Variants in RUSC2 observed in about 807,000 individuals in gnomAD.
The protein encoded by RUSC2 is RUN and SH3 domain containing 2.
In RUSC2, 34 loss-of-function variants were observed where a neutral mutation model predicts 122.2. The observed-to-expected ratio is 0.28, with a 90% CI of 0.21 to 0.37. The LOEUF (loss-of-function observed/expected upper bound fraction) is 0.37, where lower values mean the gene tolerates loss of function less well. Among genes scored for constraint, RUSC2 ranks in the 10% least tolerant of loss-of-function variants. The probability of loss-of-function intolerance (pLI) is 1.00; values close to 1 mark genes in which losing one functional copy is unlikely to be tolerated. For synonymous variants in RUSC2, 784 were observed against 790.0 expected (o/e 0.99, Z 0.13); for missense variants, 1,747 against 1,952.4 (o/e 0.89, Z 1.98).
chr9:35,548,850 T>C lies in RUSC2; in HGVS notation c.2014+315T>C, dbSNP rs985384419. 1 of 635,366 alleles carries C rather than the reference T, an allele frequency of 1.6e-6. No individual in the cohort carries two copies. Among genetic ancestry groups the C allele is most frequent in the African/African-American group, 2.0e-5 (1 of 50,262 alleles). 39.4% of individuals were successfully genotyped at this position (635,366 alleles called of 1,614,324 possible). A position where few individuals can be genotyped will look rare whatever the true frequency, so the allele number is the denominator to read the frequency against. On this transcript the variant is annotated intron_variant, in intron 2 of 11. Coordinates refer to ENST00000361226, the MANE Select transcript of RUSC2 (RefSeq NM_014806.5). This position sits in a 1 kb window ranked among gnomAD's most constrained non-coding sequence, Gnocchi z 4.5. ...TTTGAGACCAGCCTGGCCAACATAA[T>C]GAAACCCCAGCTCTACTAAAATAAA...
intron 1 of RUSC2, among the ~76,000 whole-genome samples, chr9:35,530,268 A>G (rs944936200): frequency 6.6e-6 from 1 of 152,066 alleles, no homozygotes; most frequent in African/African-American, 2.4e-5. Flanking sequence ...CAGTAGCTTT[A>G]TCAAACATCA....
rs776337579 is a variant in RUSC2, at chr9:35,548,545, C to T, written c.2014+10C>T. 6 of 1,596,078 alleles carry T rather than the reference C, an allele frequency of 3.8e-6. No homozygotes were observed. The highest frequency in any genetic ancestry group is 3.4e-5 in the South Asian group (3 of 89,282). On this transcript the variant is annotated intron_variant, in intron 2 of 11. Transcript: ENST00000361226. The surrounding 1 kb of genome is among the most constrained non-coding windows in gnomAD (Gnocchi z 4.5). ...AGAGCTAGAGCTGACGGTAAGGAGC[C>T]TAAGGGTTAGCAAATATGTGGCTAT... is the stretch of plus-strand genomic sequence containing the variant.
chr9:35,498,307 G>T (rs1206443541), intron 1 of RUSC2, among the ~76,000 whole-genome samples: 1 of 152,136 alleles, frequency 6.6e-6, no homozygotes, highest in Non-Finnish European at 1.5e-5. Flanking sequence ...GGGAGGCTGA[G>T]GCAGGCAGAT....
At chr9:35,524,970 C>CA (rs931642143) in intron 1 of RUSC2, among the ~76,000 whole-genome samples, 1,316 of 107,766 alleles carry the variant, frequency 0.012, 10 homozygotes, top group African/African-American at 0.027. Flanking sequence ...GACTCCATCT[C>CA]AAAAAAAAAA....
At position 35,548,043 on chromosome 9, in the gene RUSC2, C is replaced by T. The variant is rs1447850222; in HGVS notation, c.1522C>T (p.Pro508Ser). ...TGATCGCAGCCTGCAGCGCAGCCCT[C>T]CTGTCCGCCTGGGCTCGCTGGAACG... is the stretch of plus-strand genomic sequence containing the variant. ...SYDRSLQRSP[P>S]VRLGSLERML... The change falls in exon 2 of 12, where the codon CCT becomes TCT. Residue 508 changes from proline to serine, a missense_variant. Physicochemically the swap from Pro to Ser is moderately conservative, Grantham distance 74 (BLOSUM62 -1). Coordinates refer to ENST00000361226, the MANE Select transcript of RUSC2 (RefSeq NM_014806.5). This position sits in a 1 kb window ranked among gnomAD's most constrained non-coding sequence, Gnocchi z 4.5. 1.9e-6 allele frequency: 3 copies of T among 1,613,606 alleles called. No homozygotes were observed. The highest frequency in any genetic ancestry group is 1.7e-5 in the Admixed American group (1 of 60,018).
chr9:35,517,719 T>C (rs753798428), intron 1 of RUSC2, among the ~76,000 whole-genome samples: 6 of 152,208 alleles, frequency 3.9e-5, no homozygotes, highest in Non-Finnish European at 8.8e-5. Flanking sequence ...GGGCACAGAC[T>C]GGGCCTATTT....
Position 35,546,666 on chromosome 9 carries a change from G to C in RUSC2, c.145G>C (p.Glu49Gln), listed in dbSNP as rs749721801. 1 of 1,570,992 alleles carries C rather than the reference G, an allele frequency of 6.4e-7. No individual in the cohort carries two copies. Among genetic ancestry groups the C allele is most frequent in the East Asian group, 2.2e-5 (1 of 44,470 alleles). The change falls in exon 2 of 12, where the codon GAG becomes CAG. Residue 49 changes from glutamate to glutamine, a missense_variant. Coordinates refer to ENST00000361226, the MANE Select transcript of RUSC2 (RefSeq NM_014806.5). The surrounding 1 kb of genome is among the most constrained non-coding windows in gnomAD (Gnocchi z 4.3). ...AAGACCTAATCCCTTCTGCCCACCT[G>C]AGCTGGGCATCACCCAGCCCGATCA... ...STRPNPFCPPELGITQPDQDL... is the reference protein window; with the variant it reads ...STRPNPFCPPQLGITQPDQDL...
intron 2 of RUSC2, chr9:35,549,286 CAG>C: frequency 1.2e-6 from 1 of 860,584 alleles, no homozygotes; most frequent in East Asian, 1.3e-4. Flanking sequence ...CACTGGGCGT[CAG>C]TGAAGTTTTT....
rs748864483 is a variant in RUSC2, at chr9:35,546,952, C to A, written c.431C>A (p.Ser144Tyr). The change falls in exon 2 of 12, where the codon TCC (serine) becomes TAC (tyrosine). Residue 144 changes from serine to tyrosine, a missense_variant. By Grantham distance (144) the Ser-to-Tyr change is moderately radical (BLOSUM62 -2). Transcript: ENST00000361226. The surrounding 1 kb of genome is among the most constrained non-coding windows in gnomAD (Gnocchi z 4.3). ...ACTGGCCAGCCCAACTTTCATCTAT[C>A]CTCTTTCCAGCTGCCACCATCTGGC... is the stretch of plus-strand genomic sequence containing the variant. ...HGTGQPNFHL[S>Y]SFQLPPSGPR... 1 of 1,577,124 alleles carries A rather than the reference C, an allele frequency of 6.3e-7. No homozygotes were observed. Among genetic ancestry groups the A allele is most frequent in the Admixed American group, 1.8e-5 (1 of 57,124 alleles).
Position 35,560,667 on chromosome 9 carries a change from T to C in RUSC2, c.4027T>C (p.Phe1343Leu), listed in dbSNP as rs773153332. 1.3e-6 allele frequency: 2 copies of C among 1,581,596 alleles called. No homozygotes were observed. The highest frequency in any genetic ancestry group is 1.3e-5 in the African/African-American group (1 of 74,236). The change falls in exon 10 of 12, where the codon TTC (phenylalanine) becomes CTC (leucine). Residue 1343 changes from phenylalanine to leucine, a missense_variant. Coordinates refer to ENST00000361226, the MANE Select transcript of RUSC2 (RefSeq NM_014806.5). The stretch of plus-strand genomic sequence containing the variant: ...CCTGGGCCGGGAAAGGGGCTGGCCC[T>C]TCTGGATGGGGAGCCCCCCTGACTC... The part of the protein sequence containing the change: ...EALGRERGWP[F>L]WMGSPPDSVL...
rs2132553779 is a variant in RUSC2, at chr9:35,547,810, C to A, written c.1289C>A (p.Pro430Gln). ...CSEEHTKISP[P>Q]PGPGPDPGPS... ...GAGGAACACACCAAGATAAGTCCCC[C>A]ACCAGGCCCTGGCCCAGACCCAGGC... is the stretch of plus-strand genomic sequence containing the variant. Residue 430 changes from proline to glutamine, a missense_variant, in exon 2 of 12, where the codon CCA (proline) becomes CAA (glutamine). Physicochemically the swap from Pro to Gln is moderately conservative, Grantham distance 76. Transcript: ENST00000361226. This position sits in a 1 kb window ranked among gnomAD's most constrained non-coding sequence, Gnocchi z 4.6. 1.9e-6 allele frequency: 3 copies of A among 1,614,162 alleles called. No homozygotes were observed. Among genetic ancestry groups the A allele is most frequent in the East Asian group, 2.2e-5 (1 of 44,880 alleles).
At position 35,548,153 on chromosome 9, in the gene RUSC2, T is replaced by C. The variant is rs1821806793; in HGVS notation, c.1632T>C (p.Phe544=). 2 of 1,613,310 alleles carry C rather than the reference T, an allele frequency of 1.2e-6. No individual in the cohort carries two copies. The highest frequency in any genetic ancestry group is 2.2e-5 in the South Asian group (2 of 91,088). Residue 544 remains phenylalanine, a synonymous_variant, in exon 2 of 12, where the codon TTT becomes TTC. Coordinates refer to ENST00000361226, the MANE Select transcript of RUSC2 (RefSeq NM_014806.5). This position sits in a 1 kb window ranked among gnomAD's most constrained non-coding sequence, Gnocchi z 4.5. The part of the protein sequence containing the change: ...PGSPPRRVTS[F]AELAKGRKKT... Reference sequence around the variant, plus strand: ...CCCCACCCAGGAGGGTCACCTCCTTTGCCGAGCTGGCCAAGGGCCGGAAGA... The same window carrying C: ...CCCCACCCAGGAGGGTCACCTCCTTCGCCGAGCTGGCCAAGGGCCGGAAGA...
At position 35,560,608 on chromosome 9, in the gene RUSC2, A is replaced by T; in HGVS notation, c.3968A>T (p.Glu1323Val). Residue 1323 changes from glutamate to valine, a missense_variant, in exon 10 of 12, where the codon GAG (glutamate) becomes GTG (valine). Transcript: ENST00000361226. Reference protein sequence around the residue: ...QAPPPREGVVEGAEACPASEE... With the variant: ...QAPPPREGVVVGAEACPASEE... ...CCACCACCCCGAGAGGGAGTAGTGG[A>T]GGGGGCTGAGGCCTGCCCTGCCTCT... is the stretch of plus-strand genomic sequence containing the variant. The T allele has an allele frequency of 6.2e-7, 1 of 1,610,998 alleles. No homozygotes were observed.
At chr9:35,526,217 AC>A (rs879423677) in intron 1 of RUSC2, among the ~76,000 whole-genome samples, 2 of 152,068 alleles carry the variant, frequency 1.3e-5, no homozygotes, top group Non-Finnish European at 2.9e-5. Flanking sequence ...TATTTTGAGC[AC>A]CCTGGATCTC....
intron 1 of RUSC2, among the ~76,000 whole-genome samples, chr9:35,535,534 CTT>C (rs1174623935): frequency 3.2e-4 from 42 of 130,078 alleles, no homozygotes; most frequent in African/African-American, 9.1e-4. Flanking sequence ...AGGAGCTTCT[CTT>C]TTTTTTTTTT....
intron 1 of RUSC2, among the ~76,000 whole-genome samples, chr9:35,539,882 C>T (rs528886766): frequency 1.3e-5 from 2 of 152,168 alleles, no homozygotes; most frequent in African/African-American, 4.8e-5. Flanking sequence ...ACAGAGGCAC[C>T]TTATCAGGAT....
chr9:35,560,256 C>G lies in RUSC2; in HGVS notation c.3616C>G (p.Leu1206Val). The change falls in exon 10 of 12, where the codon CTG (leucine) becomes GTG (valine). Residue 1206 changes from leucine to valine, a missense_variant. Coordinates refer to ENST00000361226, the MANE Select transcript of RUSC2 (RefSeq NM_014806.5). Reference sequence around the variant, plus strand: ...CCTGCTGCTGTCTGCCCACTCCACGCTGCAGCTGGCCCGGGCCCGGGGCCA... The same window carrying G: ...CCTGCTGCTGTCTGCCCACTCCACGGTGCAGCTGGCCCGGGCCCGGGGCCA... ...QDLLLSAHST[L>V]QLARARGQEG... 6.3e-7 allele frequency: 1 copy of G among 1,593,758 alleles called. No homozygotes were observed. Among genetic ancestry groups the G allele is most frequent in the Non-Finnish European group, 8.5e-7 (1 of 1,170,540 alleles).
chr9:35,539,222 G>A (rs1821593032), intron 1 of RUSC2: 1 of 138,490 alleles, frequency 7.2e-6, no homozygotes. Context: ...GGAGAGGGGG[G>A]CGGTGCGGGG....
chr9:35,522,564 C>T lies in RUSC2; in HGVS notation c.-92-23866C>T, dbSNP rs147773347. ...ATTATTTTAACAAAATTATGAGCCC[C>T]TCAAATTGGGCTATTACCCCTGAAC... On this transcript the variant is annotated intron_variant, in intron 1 of 11. Coordinates refer to ENST00000361226, the MANE Select transcript of RUSC2 (RefSeq NM_014806.5). 5.3e-5 allele frequency among the ~76,000 whole-genome samples: 8 copies of T among 152,336 alleles called. No individual in the cohort carries two copies. The East Asian group carries it at 1.3e-3, about 26-fold the overall frequency.
Sources: gnomAD v4.1 joint callset for allele counts (sites outside exome capture counted in the v4.1 genomes callset) on GRCh38, gnomAD v4.1.1 for gene constraint, Gnocchi (gnomAD v3.1) non-coding constraint, MANE v1.5 for transcripts, NCBI Gene and HGNC (gene_info 2026-07-23, HGNC 2026-07-21) for gene names.